Variants in PARN observed in about 807,000 individuals in gnomAD.
PARN encodes poly(A)-specific ribonuclease.
Under a neutral mutation model 102.8 loss-of-function variants are expected in PARN, and 71 were observed. The observed-to-expected ratio is 0.69, with a 90% CI of 0.57 to 0.84. PARN has a LOEUF of 0.84. PARN is among the 40% of genes least tolerant of loss of function. The pLI, the probability that PARN is intolerant of heterozygous loss-of-function variation, is 0.00. For synonymous variants in PARN, 261 were observed against 252.9 expected (o/e 1.03, Z -0.30); for missense variants, 782 against 760.9 (o/e 1.03, Z -0.33).
intron 16 of PARN, among the ~76,000 whole-genome samples, chr16:14,583,919 G>A (rs1163666664): frequency 6.6e-6 from 1 of 152,094 alleles, no homozygotes; most frequent in Non-Finnish European, 1.5e-5. Flanking sequence ...GGCAGGGTGG[G>A]GACTTGCCTT....
chr16:14,540,586 A>G (rs1471275996), intron 21 of PARN, among the ~76,000 whole-genome samples: 4 of 152,210 alleles, frequency 2.6e-5, no homozygotes, highest in Non-Finnish European at 5.9e-5. Flanking sequence ...AAATGTTATT[A>G]AAGTAGTTTA....
At chr16:14,566,740 G>C (rs1968459360) in intron 18 of PARN, among the ~76,000 whole-genome samples, 2 of 152,176 alleles carry the variant, frequency 1.3e-5, no homozygotes, top group Admixed American at 6.5e-5. Context: ...TTAAGCCAGA[G>C]AGAAATGTAC....
At position 14,599,889 on chromosome 16, in the gene PARN, G is replaced by T; in HGVS notation, c.840+15C>A. 6.4e-7 allele frequency: 1 copy of T among 1,562,918 alleles called. No individual in the cohort carries two copies. The highest frequency in any genetic ancestry group is 8.8e-7 in the Non-Finnish European group (1 of 1,139,068). The stretch of plus-strand genomic sequence containing the variant: ...GTATGTTCTGCAATCTTGCTAAAAA[G>T]TCTGGCTCACTTACCGAATTAGCAA... On this transcript the variant is annotated intron_variant, in intron 12 of 23. Coordinates refer to ENST00000437198, the MANE Select transcript of PARN (RefSeq NM_002582.4).
chr16:14,523,004 A>G, intron 21 of PARN, among the ~76,000 whole-genome samples: 1 of 152,222 alleles, frequency 6.6e-6, no homozygotes, highest in East Asian at 1.9e-4. Flanking sequence ...AGACACATAA[A>G]AACCTACTCA....
At chr16:14,523,767 G>A (rs1965857518) in intron 21 of PARN, among the ~76,000 whole-genome samples, 1 of 152,118 alleles carries the variant, frequency 6.6e-6, no homozygotes, top group Non-Finnish European at 1.5e-5. Context: ...GGGACATAAA[G>A]GGCTCAGTCA....
Position 14,608,934 on chromosome 16 carries a change from G to C in PARN, c.620+124C>G. On this transcript the variant is annotated intron_variant, in intron 8 of 23. Transcript: ENST00000437198. ...ACGCTAAAGTTAGTGTTTAATTCTT[G>C]AGAACATAGCAATAATAAAAAGACC... The C allele has an allele frequency of 6.3e-6, 4 of 632,610 alleles. No individual in the cohort carries two copies. The South Asian group carries it at 7.9e-5, about 13-fold the overall frequency. The allele number at this position is 632,610 out of a possible 1,614,324, so 39.2% of individuals were successfully genotyped here.
At chr16:14,455,999 G>C (rs1246042103) in intron 22 of PARN, among the ~76,000 whole-genome samples, 2 of 152,120 alleles carry the variant, frequency 1.3e-5, no homozygotes, top group African/African-American at 2.4e-5. Context: ...TGGAATAAGA[G>C]ACAAATGTCT....
At chr16:14,534,015 T>C (rs1966497749) in intron 21 of PARN, among the ~76,000 whole-genome samples, 1 of 151,974 alleles carries the variant, frequency 6.6e-6, no homozygotes, top group South Asian at 2.1e-4. Flanking sequence ...TGTGTCCAGG[T>C]GTTTGAGACC....
At chr16:14,576,728 C>T (rs1485538694) in intron 18 of PARN, among the ~76,000 whole-genome samples, 2 of 152,160 alleles carry the variant, frequency 1.3e-5, no homozygotes, top group South Asian at 2.1e-4. Context: ...TTAGCAGTGG[C>T]GTGATCCTGA....
In PARN at chr16:14,610,768, C is replaced by G; in HGVS notation, c.430G>C (p.Glu144Gln). 1.9e-6 allele frequency: 3 copies of G among 1,611,670 alleles called. No homozygotes were observed. The highest frequency in any genetic ancestry group is 2.5e-6 in the Non-Finnish European group (3 of 1,177,814). ...TGTGAACGTTTTTCATCATACTGCT[C>G]TCTTAACTGTCTTTCTTCTTCCTGA... is the stretch of plus-strand genomic sequence containing the variant. The part of the protein sequence containing the change: ...LNQEEERQLR[E>Q]QYDEKRSQAN... Residue 144 changes from glutamate to glutamine, a missense_variant, in exon 7 of 24, where the codon GAG (glutamate) becomes CAG (glutamine). By Grantham distance (29) the Glu-to-Gln change is conservative. Coordinates refer to ENST00000437198, the MANE Select transcript of PARN (RefSeq NM_002582.4).
chr16:14,438,448 G>GGC (rs1960807335), intron 23 of PARN, among the ~76,000 whole-genome samples: 1 of 150,242 alleles, frequency 6.7e-6, no homozygotes, highest in Admixed American at 6.6e-5. Context: ...AGTTGGGGGG[G>GGC]GGGGTGTGTG....
chr16:14,619,294 G>A (rs2151811481), intron 5 of PARN, among the ~76,000 whole-genome samples: 1 of 151,632 alleles, frequency 6.6e-6, no homozygotes, highest in East Asian at 2.0e-4. Flanking sequence ...TATGTTCCCA[G>A]ATTTAAATAA....
intron 21 of PARN, among the ~76,000 whole-genome samples, chr16:14,487,732 G>C (rs1251756644): frequency 6.6e-6 from 1 of 152,200 alleles, no homozygotes; most frequent in African/African-American, 2.4e-5. Flanking sequence ...GGCTGGTGCT[G>C]GGGCTGGAAC....
In PARN at chr16:14,518,291, C is replaced by CAAAAA. The variant is rs34169116; in HGVS notation, c.1480+33725_1480+33729dup. ...TAGGCAACAGAGTAAGACCCTGTCTCAAAAAAAAAAAAAAAAAAAAAAAAA... is the reference window on the plus strand; with the variant it reads ...TAGGCAACAGAGTAAGACCCTGTCTCAAAAAAAAAAAAAAAAAAAAAAAAAAAAAA... On this transcript the variant is annotated intron_variant, in intron 21 of 23. Coordinates refer to ENST00000437198, the MANE Select transcript of PARN (RefSeq NM_002582.4). Among the ~76,000 whole-genome samples, 17 of 52,254 alleles carry CAAAAA rather than the reference C, an allele frequency of 3.3e-4. No individual in the cohort carries two copies. In the South Asian group the frequency reaches 8.2e-3, roughly 25 times the overall value. 34.3% of individuals were successfully genotyped at this position (52,254 alleles called of 152,430 possible). A position where few individuals can be genotyped will look rare whatever the true frequency, so the allele number is the denominator to read the frequency against.
intron 21 of PARN, among the ~76,000 whole-genome samples, chr16:14,516,704 T>G (rs747012369): frequency 9.9e-5 from 15 of 152,208 alleles, no homozygotes; most frequent in Non-Finnish European, 2.2e-4. Flanking sequence ...ACTTTTCCCA[T>G]GACTCTTCCA....
chr16:14,590,799 C>A (rs542551431), intron 13 of PARN, among the ~76,000 whole-genome samples: 1 of 152,002 alleles, frequency 6.6e-6, no homozygotes, highest in Non-Finnish European at 1.5e-5. Context: ...AGCAACTGAC[C>A]CACTCATGAC....
At chr16:14,466,240 C>T (rs1456572515) in intron 22 of PARN, among the ~76,000 whole-genome samples, 6 of 152,140 alleles carry the variant, frequency 3.9e-5, no homozygotes, top group Admixed American at 1.3e-4. Flanking sequence ...CTCTGAGGGA[C>T]AGGATGAGGG....
chr16:14,528,581 T>A (rs565710703), intron 21 of PARN, among the ~76,000 whole-genome samples: 19 of 152,310 alleles, frequency 1.2e-4, no homozygotes, highest in African/African-American at 4.1e-4. Context: ...AACTTGACTC[T>A]GTGATATTTT....
chr16:14,436,799 A>C, intron 23 of PARN, 27 bp from the exon 24 acceptor site: 1 of 1,542,620 alleles, frequency 6.5e-7, no homozygotes, highest in Non-Finnish European at 8.8e-7. Context: ...AAACAATATG[A>C]ACAGCAGGAC....
Sources: gnomAD v4.1 joint callset for allele counts (sites outside exome capture counted in the v4.1 genomes callset) on GRCh38, gnomAD v4.1.1 for gene constraint, MANE v1.5 for transcripts, NCBI Gene and HGNC (gene_info 2026-07-23, HGNC 2026-07-21) for gene names.